Variants in GUCY1B1 observed in about 807,000 individuals in gnomAD.
GUCY1B1 encodes the protein guanylate cyclase 1 soluble subunit beta 1, also known as guanylate cyclase soluble subunit beta-1.
GUCY1B1 carries 43 observed loss-of-function variants against 71.0 expected under a neutral mutation model. The ratio of observed to expected loss-of-function variants is 0.61; its 90% CI spans 0.47 to 0.78. The LOEUF (loss-of-function observed/expected upper bound fraction) is 0.78. GUCY1B1 is among the 30% of genes least tolerant of loss of function. The pLI is 0.00. For synonymous variants in GUCY1B1, 266 were observed against 259.7 expected, an observed-to-expected ratio of 1.02 and a Z score of -0.23; for missense variants, 535 against 754.1, an observed-to-expected ratio of 0.71 and a Z score of 3.40.
chr4:155,767,628 A>G (rs1009132603), intron 2 of GUCY1B1, among the ~76,000 whole-genome samples: 7 of 152,102 alleles, frequency 4.6e-5, no homozygotes, highest in Admixed American at 1.3e-4. Context: ...ACACATTGAC[A>G]TGAAAGGACT....
At chr4:155,761,612 A>G (rs951920239) in intron 2 of GUCY1B1, among the ~76,000 whole-genome samples, 1 of 152,242 alleles carries the variant, frequency 6.6e-6, no homozygotes, top group African/African-American at 2.4e-5. Flanking sequence ...TTAAAAAGTT[A>G]AAATTATCCA....
Position 155,800,010 on chromosome 4 carries a change from A to C in GUCY1B1, c.1111A>C (p.Ile371Leu). 6.2e-7 allele frequency: 1 copy of C among 1,613,762 alleles called. No homozygotes were observed. Among genetic ancestry groups the C allele is most frequent in the Non-Finnish European group, 8.5e-7 (1 of 1,179,720 alleles). The change falls in exon 9 of 14, where the codon ATC becomes CTC. Residue 371 changes from isoleucine to leucine, a missense_variant. Ile to Leu is a conservative substitution (Grantham distance 5, BLOSUM62 2). Transcript: ENST00000264424. ...EEYKLTQELE[I>L]LTDRLQLTLR... ...ATACAAACTCACCCAAGAACTGGAA[A>C]TCCTCACTGACAGGCTACAGCTCAC...
At chr4:155,765,212 T>C (rs887415677) in intron 2 of GUCY1B1, among the ~76,000 whole-genome samples, 1 of 152,192 alleles carries the variant, frequency 6.6e-6, no homozygotes, top group African/African-American at 2.4e-5. Flanking sequence ...CTTTCTACTT[T>C]CTTGCCTTTC....
chr4:155,777,439 T>A lies in GUCY1B1; in HGVS notation c.179-85T>A, dbSNP rs373785775. ...AAAAATTGAAGACATTTTACATTACTTAATAAACACTTATCTTCATTTTTT... is the reference window on the plus strand; with the variant it reads ...AAAAATTGAAGACATTTTACATTACATAATAAACACTTATCTTCATTTTTT... On this transcript the variant is annotated intron_variant, in intron 3 of 13. Coordinates refer to ENST00000264424, the MANE Select transcript of GUCY1B1 (RefSeq NM_000857.5). 3 of 774,364 alleles carry A rather than the reference T, an allele frequency of 3.9e-6. No individual in the cohort carries two copies. The African/African-American group carries it at 5.2e-5, about 13-fold the overall frequency. 48.0% of individuals were successfully genotyped at this position (774,364 alleles called of 1,614,324 possible). A position where few individuals can be genotyped will look rare whatever the true frequency, so the allele number is the denominator to read the frequency against.
intron 1 of GUCY1B1, 146 bp downstream of exon 1, chr4:155,759,289 C>A: frequency 1.3e-6 from 1 of 755,338 alleles, no homozygotes; most frequent in South Asian, 1.9e-5. Context: ...TCCTTGCCCG[C>A]GCCCAGTCAG....
At chr4:155,766,871 T>G (rs570304023) in intron 2 of GUCY1B1, among the ~76,000 whole-genome samples, 6 of 152,194 alleles carry the variant, frequency 3.9e-5, no homozygotes, top group Non-Finnish European at 8.8e-5. Flanking sequence ...GCTCTCACCA[T>G]GTCATGCTAT....
intron 8 of GUCY1B1, among the ~76,000 whole-genome samples, chr4:155,797,329 TCACTTA>T (rs1377720558): frequency 2.6e-5 from 4 of 152,200 alleles, no homozygotes; most frequent in Non-Finnish European, 4.4e-5. Context: ...TGATCACTTT[TCACTTA>T]AAAATGTGGT....
intron 4 of GUCY1B1, among the ~76,000 whole-genome samples, chr4:155,789,269 T>C (rs1738998534): frequency 6.6e-6 from 1 of 152,244 alleles, no homozygotes; most frequent in South Asian, 2.1e-4. Context: ...AATTTGGGCA[T>C]AGTTTTTTGA....
Position 155,806,764 on chromosome 4 carries a change from G to T in GUCY1B1, c.*355G>T, listed in dbSNP as rs1412808436. ...GTTAAATGAAACTGAACAGTGTTTG[G>T]CCATGTGTATATTTATATCATGTTT... On this transcript the variant is annotated 3_prime_UTR_variant, in exon 14 of 14. Coordinates refer to ENST00000264424, the MANE Select transcript of GUCY1B1 (RefSeq NM_000857.5). 5 of 225,736 alleles carry T rather than the reference G, an allele frequency of 2.2e-5. No individual in the cohort carries two copies. Among genetic ancestry groups the T allele is most frequent in the Non-Finnish European group, 4.3e-5 (5 of 115,746 alleles). The allele number at this position is 225,736 out of a possible 1,614,324, so 14.0% of individuals were successfully genotyped here.
chr4:155,774,405 G>T (rs1473501708), intron 2 of GUCY1B1, among the ~76,000 whole-genome samples: 2 of 152,100 alleles, frequency 1.3e-5, no homozygotes, highest in African/African-American at 4.8e-5. Flanking sequence ...TTCTTCAAAT[G>T]CCAGCTTCTC....
Position 155,777,560 on chromosome 4 carries a change from A to G in GUCY1B1, c.215A>G (p.Lys72Arg). 1.9e-6 allele frequency: 3 copies of G among 1,607,638 alleles called. No individual in the cohort carries two copies. Among genetic ancestry groups the G allele is most frequent in the Non-Finnish European group, 2.6e-6 (3 of 1,174,196 alleles). ...NAGEILQMFG[K>R]MFFVFCQESG... ...GGAGAAATCCTCCAAATGTTTGGGA[A>G]GATGTTTTTCGTCTTTTGCCAAGAA... The change falls in exon 4 of 14, where the codon AAG (lysine) becomes AGG (arginine). Residue 72 changes from lysine (K) to arginine (R), a missense_variant. By Grantham distance (26) the Lys-to-Arg change is conservative. Transcript: ENST00000264424.
intron 5 of GUCY1B1, among the ~76,000 whole-genome samples, chr4:155,791,700 C>T (rs776875175): frequency 6.8e-6 from 1 of 147,414 alleles, no homozygotes; most frequent in Non-Finnish European, 1.5e-5. Flanking sequence ...CACTGCACTC[C>T]AGTCTGGTTG....
rs544411323 is a variant in GUCY1B1 at position 155,762,950 on chromosome 4, T to C, written c.77+3090T>C. Among the ~76,000 whole-genome samples, 5 of 152,290 alleles carry C rather than the reference T, an allele frequency of 3.3e-5. No homozygotes were observed. In the South Asian group the frequency reaches 8.3e-4, roughly 25 times the overall value. ...AAAGCAAAAGAGACCTCTGAATCCA[T>C]TTCAAAGTTTTTTTTGTTGATTTCA... On this transcript the variant is annotated intron_variant, in intron 2 of 13. Transcript: ENST00000264424.
chr4:155,761,093 T>C (rs1736969814), intron 2 of GUCY1B1, among the ~76,000 whole-genome samples: 1 of 152,214 alleles, frequency 6.6e-6, no homozygotes, highest in African/African-American at 2.4e-5. Context: ...ACCATTTGTA[T>C]TATCCACAGG....
chr4:155,774,525 G>A (rs989414389), intron 2 of GUCY1B1, among the ~76,000 whole-genome samples: 2 of 151,988 alleles, frequency 1.3e-5, no homozygotes, highest in African/African-American at 4.8e-5. Context: ...ATTTTATGTT[G>A]TGTCTGTTTT....
rs540769881 is a variant in GUCY1B1 at position 155,803,685 on chromosome 4, A to G, written c.1475A>G (p.His492Arg). 3 of 1,605,600 alleles carry G rather than the reference A, an allele frequency of 1.9e-6. No individual in the cohort carries two copies. Among genetic ancestry groups the G allele is most frequent in the Non-Finnish European group, 2.6e-6 (3 of 1,175,660 alleles). ...GGTTTACCAGAGCCATGCATTCACC[A>G]TGCACGATCCATCTGCCACCTGGCC... is the stretch of plus-strand genomic sequence containing the variant. The part of the protein sequence containing the change: ...VSGLPEPCIH[H>R]ARSICHLALD... The change falls in exon 11 of 14, where the codon CAT becomes CGT. Residue 492 changes from histidine to arginine, a missense_variant. Physicochemically the swap from His to Arg is conservative, Grantham distance 29. Coordinates refer to ENST00000264424, the MANE Select transcript of GUCY1B1 (RefSeq NM_000857.5).
chr4:155,803,906 T>C, intron 11 of GUCY1B1, 142 bp downstream of exon 11: 1 of 494,976 alleles, frequency 2.0e-6, no homozygotes, highest in Admixed American at 4.1e-5. Context: ...TCCAGCCCAC[T>C]GTACTACATT....
intron 1 of GUCY1B1, 42 bp from the exon 2 acceptor site, chr4:155,759,745 A>C: frequency 6.7e-7 from 1 of 1,482,074 alleles, no homozygotes; most frequent in Non-Finnish European, 9.4e-7. Context: ...CTTCTCAGGT[A>C]CAGCGGGTCC....
intron 4 of GUCY1B1, among the ~76,000 whole-genome samples, chr4:155,785,035 C>T (rs1269660826): frequency 6.6e-6 from 1 of 152,002 alleles, no homozygotes; most frequent in East Asian, 1.9e-4. Context: ...ACTAATTTTT[C>T]TTTTATAAAT....
Sources: gnomAD v4.1 joint callset for allele counts (sites outside exome capture counted in the v4.1 genomes callset) on GRCh38, gnomAD v4.1.1 for gene constraint, MANE v1.5 for transcripts, NCBI Gene and HGNC (gene_info 2026-07-23, HGNC 2026-07-21) for gene names.